The following BAMBI variants were observed in gnomAD, a reference collection of about 807,000 sequenced individuals.
BAMBI encodes BMP and activin membrane-bound inhibitor homolog.
In BAMBI, 21 loss-of-function variants were observed where a neutral mutation model predicts 24.1. The ratio of observed to expected loss-of-function variants is 0.87; its 90% confidence interval spans 0.62 to 1.26. The LOEUF (loss-of-function observed/expected upper bound fraction) is 1.26. BAMBI is among the 50% of genes most tolerant of loss of function. BAMBI has a pLI of 0.00. For missense variants in BAMBI, 388 were observed against 329.1 expected, an observed-to-expected ratio of 1.18 and a Z score of -1.38; for synonymous variants, 156 against 123.1, an observed-to-expected ratio of 1.27 and a Z score of -1.77.
At chr10:28,678,639 GTC>G (rs1410181134) in intron 1 of BAMBI, among the ~76,000 whole-genome samples, 1 of 147,052 alleles carries the variant, frequency 6.8e-6, no homozygotes, top group Non-Finnish European at 1.5e-5. Context: ...GTGCATCTGA[GTC>G]TCTGTGTGAG....
intron 1 of BAMBI, among the ~76,000 whole-genome samples, chr10:28,678,253 G>T (rs1588642705): frequency 6.6e-6 from 1 of 152,296 alleles, no homozygotes; most frequent in East Asian, 1.9e-4. Flanking sequence ...TCTCGGCCTC[G>T]ACGCCGCCGC....
intron 2 of BAMBI, chr10:28,681,774 T>C: frequency 5.4e-6 from 4 of 740,508 alleles, no homozygotes; most frequent in Non-Finnish European, 8.6e-6. Flanking sequence ...TTTGAAGACA[T>C]TAAAAGGCCA....
intron 1 of BAMBI, 55 bp downstream of exon 1, chr10:28,678,028 G>A: frequency 4.1e-6 from 6 of 1,462,714 alleles, no homozygotes; most frequent in Non-Finnish European, 5.5e-6. Flanking sequence ...CGGGGCTTTG[G>A]AGCCGGCTGC....
chr10:28,682,667 G>A lies in BAMBI; in HGVS notation c.*266G>A. 1 of 338,432 alleles carries A rather than the reference G, an allele frequency of 3.0e-6. No homozygotes were observed. Among genetic ancestry groups the A allele is most frequent in the East Asian group, 4.6e-5 (1 of 21,526 alleles). The allele number at this position is 338,432 out of a possible 1,614,324, so 21.0% of individuals were successfully genotyped here. ...ACCAGGGTTATTTGCATCCAAGGGA[G>A]CTGGAATTGAGTACCTAAATAAACA... is the stretch of plus-strand genomic sequence containing the variant. On this transcript the variant is annotated 3_prime_UTR_variant, in exon 3 of 3. Coordinates refer to ENST00000375533, the MANE Select transcript of BAMBI (RefSeq NM_012342.3).
Position 28,682,777 on chromosome 10 carries a change from G to C in BAMBI, c.*376G>C, listed in dbSNP as rs1220887892. 1 of 163,200 alleles carries C rather than the reference G, an allele frequency of 6.1e-6. No individual in the cohort carries two copies. Among genetic ancestry groups the C allele is most frequent in the Non-Finnish European group, 1.3e-5 (1 of 75,220 alleles). The allele number at this position is 163,200 out of a possible 1,614,324, so 10.1% of individuals were successfully genotyped here. A position where few individuals can be genotyped will look rare whatever the true frequency, so the allele number is the denominator to read the frequency against. ...TATATATTTTGTCTGAAATTTAATA[G>C]TGTCTTTCATAAATTTAACTGGGAA... On this transcript the variant is annotated 3_prime_UTR_variant, in exon 3 of 3. Transcript: ENST00000375533.
At chr10:28,679,903 T>A (rs1404907676) in intron 1 of BAMBI, among the ~76,000 whole-genome samples, 1 of 152,140 alleles carries the variant, frequency 6.6e-6, no homozygotes, top group Non-Finnish European at 1.5e-5. Flanking sequence ...CAGTGCAGAT[T>A]TAGGAGCAAG....
chr10:28,679,784 G>T (rs917726809), intron 1 of BAMBI, among the ~76,000 whole-genome samples: 1 of 152,210 alleles, frequency 6.6e-6, no homozygotes, highest in Non-Finnish European at 1.5e-5. Context: ...AGACTGGTGA[G>T]CTTTATGTGG....
At chr10:28,678,125 G>T (rs1002516189) in intron 1 of BAMBI, 152 bp downstream of exon 1, 2 of 633,818 alleles carry the variant, frequency 3.2e-6, no homozygotes, top group South Asian at 4.9e-5. Flanking sequence ...AAGTCGCGGC[G>T]GTGGCCTGGC....
chr10:28,681,884 T>C (rs1225046926), intron 2 of BAMBI, 99 bp from the exon 3 acceptor site: 13 of 1,218,408 alleles, frequency 1.1e-5, no homozygotes, highest in African/African-American at 3.0e-5. Flanking sequence ...ATTGTAAGCT[T>C]CTTTTTAATG....
chr10:28,681,401 G>A lies in BAMBI; in HGVS notation c.220G>A (p.Ala74Thr). 1.2e-6 allele frequency: 2 copies of A among 1,614,132 alleles called. No homozygotes were observed. The highest frequency in any genetic ancestry group is 8.5e-7 in the Non-Finnish European group (1 of 1,180,022). Residue 74 changes from alanine to threonine, a missense_variant, in exon 2 of 3, where the codon GCA becomes ACA. Transcript: ENST00000375533. ...PLTHGCLDSL[A>T]STTDICQAKQ... is the part of the protein sequence containing the mutation. ...CACCCATGGCTGCCTGGACTCTCTT[G>A]CAAGCACGACAGACATCTGCCAAGC...
rs1554797409 is a variant in BAMBI, at chr10:28,682,069, C to CGGG, written c.452_454dup (p.Arg151_Ala152insGly). Reference sequence around the variant, plus strand: ...GACTTCTTCCAAAGAGTTGTGGTTCCGGGCAGCGGTCATTGCCGTGCCCAT... The same window carrying CGGG: ...GACTTCTTCCAAAGAGTTGTGGTTCCGGGGGGCAGCGGTCATTGCCGTGCCCAT... On this transcript the variant is annotated inframe_insertion, in exon 3 of 3. Transcript: ENST00000375533. The CGGG allele has an allele frequency of 1.2e-6, 2 of 1,613,956 alleles. No homozygotes were observed. Among genetic ancestry groups the CGGG allele is most frequent in the Non-Finnish European group, 1.7e-6 (2 of 1,180,030 alleles).
At position 28,678,681 on chromosome 10, in the gene BAMBI, G is replaced by C. The variant is rs532840664; in HGVS notation, c.76+708G>C. Reference sequence around the variant, plus strand: ...TCTCTGCGTACATCTCTCTGTGTGCGAGCGAGTGTGTGGGTCTCCCTGAGA... The same window carrying C: ...TCTCTGCGTACATCTCTCTGTGTGCCAGCGAGTGTGTGGGTCTCCCTGAGA... On this transcript the variant is annotated intron_variant, in intron 1 of 2. Transcript: ENST00000375533. Among the ~76,000 whole-genome samples, 3 of 152,178 alleles carry C rather than the reference G, an allele frequency of 2.0e-5. 1 individual carries two copies. The South Asian group carries it at 6.2e-4, about 32-fold the overall frequency.
At chr10:28,679,218 C>T (rs72809667) in intron 1 of BAMBI, among the ~76,000 whole-genome samples, 6,757 of 152,242 alleles carry the variant, frequency 0.044, 166 homozygotes, top group Non-Finnish European at 0.067. Context: ...GTCACAGATA[C>T]CGAAACTATG....
At chr10:28,678,797 A>G (rs1408834349) in intron 1 of BAMBI, among the ~76,000 whole-genome samples, 1 of 145,360 alleles carries the variant, frequency 6.9e-6, no homozygotes, top group Non-Finnish European at 1.5e-5. Flanking sequence ...ACTGCCACTC[A>G]CCTCATATTT....
In BAMBI at chr10:28,682,829, C is replaced by T. The variant is rs112075522; in HGVS notation, c.*428C>T. Reference sequence around the variant, plus strand: ...CGTGAGACAGTACATGTTAATTATACAAATGGCCATTTGCTGTTAATAATT... The same window carrying T: ...CGTGAGACAGTACATGTTAATTATATAAATGGCCATTTGCTGTTAATAATT... On this transcript the variant is annotated 3_prime_UTR_variant, in exon 3 of 3. Transcript: ENST00000375533. 1.6e-3 allele frequency: 247 copies of T among 153,724 alleles called. 1 individual carries two copies. The highest frequency in any genetic ancestry group is 5.5e-3 in the South Asian group (27 of 4,868). 9.5% of individuals were successfully genotyped at this position (153,724 alleles called of 1,614,324 possible).
At chr10:28,681,723 A>G (rs138207256) in intron 2 of BAMBI, 178 bp downstream of exon 2, 1 of 776,058 alleles carries the variant, frequency 1.3e-6, no homozygotes, top group African/African-American at 1.8e-5. Context: ...TGAGCATTAG[A>G]TGTCTGTCTA....
In BAMBI at chr10:28,682,360, T is replaced by C. The variant is rs1318200207; in HGVS notation, c.742T>C (p.Trp248Arg). 4 of 1,613,942 alleles carry C rather than the reference T, an allele frequency of 2.5e-6. No homozygotes were observed. In the East Asian group the frequency reaches 8.9e-5, roughly 36 times the overall value. ...SNDKILSLVHWGMYSGHGKLE... is the reference protein window; with the variant it reads ...SNDKILSLVHRGMYSGHGKLE... Reference sequence around the variant, plus strand: ...CGATAAGATCCTCTCGCTTGTTCACTGGGGCATGTACAGTGGGCACGGGAA... The same window carrying C: ...CGATAAGATCCTCTCGCTTGTTCACCGGGGCATGTACAGTGGGCACGGGAA... Residue 248 changes from tryptophan (W) to arginine (R), a missense_variant, in exon 3 of 3, where the codon TGG becomes CGG. By Grantham distance (101) the Trp-to-Arg change is moderately radical (BLOSUM62 -3). Transcript: ENST00000375533.
chr10:28,681,642 T>A (rs1344739459), intron 2 of BAMBI, 97 bp downstream of exon 2: 6 of 1,350,556 alleles, frequency 4.4e-6, no homozygotes, highest in African/African-American at 4.3e-5. Flanking sequence ...GTTGTTAATG[T>A]AATTAGAGAC....
At chr10:28,681,757 T>C in intron 2 of BAMBI, 2 of 763,008 alleles carry the variant, frequency 2.6e-6, no homozygotes, top group Non-Finnish European at 4.1e-6. Flanking sequence ...GCCTGTTTTT[T>C]CAACATTTTG....
Sources: allele counts gnomAD v4.1 joint callset (sites outside exome capture counted in the v4.1 genomes callset), GRCh38; gene constraint gnomAD v4.1.1; transcripts MANE v1.5; gene names NCBI Gene and HGNC (gene_info 2026-07-23, HGNC 2026-07-21).